The following TRIM66 variants were observed in gnomAD, a reference collection of about 807,000 sequenced individuals.
TRIM66 encodes the protein tripartite motif-containing protein 66.
TRIM66 carries 99 observed loss-of-function variants against 148.2 expected under a neutral mutation model. That is an observed-to-expected ratio of 0.67 (90% confidence interval 0.57 to 0.79). The LOEUF is 0.79. Ranked by LOEUF, TRIM66 falls within the 30% of genes least tolerant of loss-of-function variation. The pLI is 0.00. For missense variants in TRIM66, 1,666 were observed against 1,697.9 expected, an observed-to-expected ratio of 0.98 and a Z score of 0.33; for synonymous variants, 616 against 635.9, an observed-to-expected ratio of 0.97 and a Z score of 0.47.
At chr11:8,630,102 T>C (rs1412958807) in intron 15 of TRIM66, among the ~76,000 whole-genome samples, 1 of 152,238 alleles carries the variant, frequency 6.6e-6, no homozygotes, top group Non-Finnish European at 1.5e-5. Flanking sequence ...TCCTAGTCTG[T>C]TGCTAGTGCT....
At chr11:8,632,574 CAGCCTCCCAAGT>C (rs2035516491) in intron 15 of TRIM66, among the ~76,000 whole-genome samples, 1 of 150,782 alleles carries the variant, frequency 6.6e-6, no homozygotes, top group South Asian at 2.1e-4. Context: ...TCTCCTGCCT[CAGCCTCCCAAGT>C]AGCTGGGATT....
chr11:8,672,975 T>C (rs1248755636), intron 4 of TRIM66, among the ~76,000 whole-genome samples: 2 of 144,290 alleles, frequency 1.4e-5, no homozygotes, highest in Non-Finnish European at 3.0e-5. Flanking sequence ...AGTCTTGCTC[T>C]GTTGCCCAGG....
rs117879704 is a variant in TRIM66 at position 8,619,490 on chromosome 11, T to C, written c.3793A>G (p.Ile1265Val). 0.013 allele frequency: 19,424 copies of C among 1,551,104 alleles called. 237 individuals are homozygous for C. The highest frequency in any genetic ancestry group is 0.046 in the South Asian group (3,882 of 83,956). ...QIIKRPMDLSIIRRKLQKKDP... is the reference protein window; with the variant it reads ...QIIKRPMDLSVIRRKLQKKDP... ...TTCTTTTGCAGCTTCCTCCGGATGA[T>C]TGACAGGTCCATGGGCCTCTTGATA... Residue 1265 changes from isoleucine (I) to valine (V), a missense_variant, in exon 23 of 25, where the codon ATC (isoleucine) becomes GTC (valine). Transcript: ENST00000646038.
At chr11:8,656,249 A>T (rs1017709977) in intron 6 of TRIM66, among the ~76,000 whole-genome samples, 1 of 152,264 alleles carries the variant, frequency 6.6e-6, no homozygotes, top group African/African-American at 2.4e-5. Flanking sequence ...TCAAACATCT[A>T]CTTAACAATA....
Position 8,640,716 on chromosome 11 carries a change from G to C in TRIM66, c.1659C>G (p.Ser553=). 6.4e-7 allele frequency: 1 copy of C among 1,551,562 alleles called. No homozygotes were observed. The highest frequency in any genetic ancestry group is 1.2e-5 in the South Asian group (1 of 84,046). The change falls in exon 14 of 25, where the codon TCC becomes TCG. Residue 553 remains serine, a synonymous_variant. Transcript: ENST00000646038. ...GTGGGGGGACAATGCACACGGGCTG[G>C]GAAGTCAGCTGCTGCCCCAGCCGCT... ...TSQRLGQQLT[S]QPVCIVPPQD...
chr11:8,638,666 A>G lies in TRIM66; in HGVS notation c.2298T>C (p.Asn766=). 6.5e-7 allele frequency: 1 copy of G among 1,548,484 alleles called. No homozygotes were observed. The highest frequency in any genetic ancestry group is 8.7e-7 in the Non-Finnish European group (1 of 1,146,046). The change falls in exon 15 of 25, where the codon AAT becomes AAC. Residue 766 remains asparagine, a synonymous_variant. Transcript: ENST00000646038. ...VDSTIQHSSP[N]VVRKHSTSLS... ...GCTCCTTCAGTACCTTTCTCACCAC[A>G]TTTGGAGAGGAGTGCTGGATGGTGC...
At chr11:8,641,281 C>A in intron 13 of TRIM66, 129 bp from the exon 14 acceptor site, 2 of 822,702 alleles carry the variant, frequency 2.4e-6, no homozygotes, top group Middle Eastern at 3.5e-4. Flanking sequence ...AGAAACTCAA[C>A]CCTTGATCTC....
intron 3 of TRIM66, among the ~76,000 whole-genome samples, chr11:8,677,470 A>G (rs2039228652): frequency 6.6e-6 from 1 of 152,202 alleles, no homozygotes; most frequent in Non-Finnish European, 1.5e-5. Context: ...TGTTCAATAT[A>G]ATTCAGTGAG....
chr11:8,675,732 ATTAT>A (rs978634016), intron 3 of TRIM66, among the ~76,000 whole-genome samples: 2 of 141,006 alleles, frequency 1.4e-5, no homozygotes, highest in Non-Finnish European at 3.2e-5. Flanking sequence ...TATTTTTTTA[ATTAT>A]TATTTATTTA....
intron 12 of TRIM66, among the ~76,000 whole-genome samples, chr11:8,645,322 C>T (rs975662037): frequency 2.6e-5 from 4 of 152,146 alleles, no homozygotes; most frequent in African/African-American, 9.7e-5. Context: ...TGGGTGCTGC[C>T]GTCCTCTCAA....
chr11:8,638,340 T>A (rs2133043823), intron 15 of TRIM66, among the ~76,000 whole-genome samples: 1 of 152,360 alleles, frequency 6.6e-6, no homozygotes, highest in African/African-American at 2.4e-5. Context: ...GGTGAGATAA[T>A]GCTGGTGAAG....
intron 6 of TRIM66, chr11:8,658,918 T>G (rs1157124086): frequency 2.0e-6 from 1 of 491,564 alleles, no homozygotes; most frequent in Non-Finnish European, 2.6e-6. Flanking sequence ...AGTGACCAAT[T>G]GTCCGTCACA....
chr11:8,624,211 T>C lies in TRIM66; in HGVS notation c.3019+148A>G, dbSNP rs2034582685. 1.0e-5 allele frequency: 9 copies of C among 893,834 alleles called. 1 individual carries two copies. The Middle Eastern group carries it at 1.4e-3, about 135-fold the overall frequency. 55.4% of individuals were successfully genotyped at this position (893,834 alleles called of 1,614,324 possible). A position where few individuals can be genotyped will look rare whatever the true frequency, so the allele number is the denominator to read the frequency against. On this transcript the variant is annotated intron_variant, in intron 17 of 24. Transcript: ENST00000646038. ...AGCAGAACAGGTGTCACTAAGACAG[T>C]TCCGGAGGAGAGAAGTAAATTCAGC...
chr11:8,644,200 G>C (rs1487652888), intron 12 of TRIM66: 2 of 309,810 alleles, frequency 6.5e-6, no homozygotes, highest in Non-Finnish European at 1.3e-5. Flanking sequence ...GATATCACTA[G>C]TGTCCTAATT....
At chr11:8,651,731 A>C in intron 7 of TRIM66, 69 bp downstream of exon 7, 1 of 1,200,636 alleles carries the variant, frequency 8.3e-7, no homozygotes, top group South Asian at 1.3e-5. Context: ...GATGGATAGA[A>C]GACTTATGGA....
At chr11:8,654,241 T>G (rs564441399) in intron 6 of TRIM66, among the ~76,000 whole-genome samples, 1 of 152,326 alleles carries the variant, frequency 6.6e-6, no homozygotes, top group South Asian at 2.1e-4. Context: ...TGACCTTATC[T>G]CTCTCTAATC....
Position 8,636,919 on chromosome 11 carries a change from T to C in TRIM66, c.2310+1735A>G, listed in dbSNP as rs530179802. On this transcript the variant is annotated intron_variant, in intron 15 of 24. Coordinates refer to ENST00000646038, the MANE Select transcript of TRIM66 (RefSeq NM_001388022.1). ...TCCCATTCCCCAGTGCATCTCGTGA[T>C]CCTATCAAGCCAAATTACAAATTAT... Among the ~76,000 whole-genome samples, 84 of 152,254 alleles carry C rather than the reference T, an allele frequency of 5.5e-4. 1 individual carries two copies. Among genetic ancestry groups the C allele is most frequent in the African/African-American group, 1.8e-3 (76 of 41,548 alleles).
At chr11:8,638,930 T>C (rs1222786773) in intron 14 of TRIM66, 115 bp from the exon 15 acceptor site, 5 of 1,118,314 alleles carry the variant, frequency 4.5e-6, no homozygotes, top group African/African-American at 3.2e-5. Flanking sequence ...CACTTGCACA[T>C]TGTGGACTGC....
At chr11:8,655,050 G>A (rs1173880687) in intron 6 of TRIM66, among the ~76,000 whole-genome samples, 1 of 152,092 alleles carries the variant, frequency 6.6e-6, no homozygotes, top group African/African-American at 2.4e-5. Context: ...AGTAGAGACA[G>A]GGTTTCACCA....
Sources: gnomAD v4.1 joint callset for allele counts (sites outside exome capture counted in the v4.1 genomes callset) on GRCh38, gnomAD v4.1.1 for gene constraint, MANE v1.5 for transcripts, NCBI Gene and HGNC (gene_info 2026-07-23, HGNC 2026-07-21) for gene names.